E2F1: variants seen among roughly 807,000 people sequenced by gnomAD.
E2F1 encodes the protein transcription factor E2F1.
Under a neutral mutation model 36.9 loss-of-function variants are expected in E2F1, and 7 were observed. The observed-to-expected ratio is 0.19, with a 90% confidence interval of 0.11 to 0.36. The LOEUF is 0.36. E2F1 is among the 10% of genes least tolerant of loss of function. The pLI, the probability that E2F1 is intolerant of heterozygous loss-of-function variation, is 1.00. For synonymous variants in E2F1, 261 were observed against 263.1 expected (o/e 0.99, Z 0.08); for missense variants, 406 against 573.6 (o/e 0.71, Z 2.99).
chr20:33,685,867 TC>T (rs2018062836), intron 1 of E2F1, 136 bp downstream of exon 1: 4 of 866,716 alleles, frequency 4.6e-6, no homozygotes, highest in Non-Finnish European at 4.2e-6. Flanking sequence ...CAACCCCGGC[TC>T]TGCACCGCCC....
rs1475539776 is a variant in E2F1, at chr20:33,679,433, A to G, written c.572+322T>C. Among the ~76,000 whole-genome samples the G allele has an allele frequency of 6.6e-6, 1 of 152,118 alleles. No homozygotes were observed. Among genetic ancestry groups the G allele is most frequent in the Non-Finnish European group, 1.5e-5 (1 of 68,002 alleles). ...GTGGCAGGCGCCTGTATCCCCAGCT[A>G]TTCAGGAGGCTGAGGCAGGAGAAGC... On this transcript the variant is annotated intron_variant, in intron 3 of 6. Coordinates refer to ENST00000343380, the MANE Select transcript of E2F1 (RefSeq NM_005225.3). This position sits in a 1 kb window ranked among gnomAD's most constrained non-coding sequence, Gnocchi z 4.6.
Position 33,679,410 on chromosome 20 carries a change from G to A in E2F1, c.572+345C>T, listed in dbSNP as rs946074365. Among the ~76,000 whole-genome samples, 1 of 152,242 alleles carries A rather than the reference G, an allele frequency of 6.6e-6. No homozygotes were observed. The highest frequency in any genetic ancestry group is 2.4e-5 in the African/African-American group (1 of 41,466). On this transcript the variant is annotated intron_variant, in intron 3 of 6. Coordinates refer to ENST00000343380, the MANE Select transcript of E2F1 (RefSeq NM_005225.3). This position sits in a 1 kb window ranked among gnomAD's most constrained non-coding sequence, Gnocchi z 4.6. ...AATACAAAAAGTAGCTGGGCATGGT[G>A]GCAGGCGCCTGTATCCCCAGCTATT...
Position 33,680,364 on chromosome 20 carries a change from C to G in E2F1, c.314G>C (p.Ser105Thr). The change falls in exon 2 of 7, where the codon AGT becomes ACT. Residue 105 changes from serine to threonine, a missense_variant. Ser to Thr is a moderately conservative substitution (Grantham distance 58). Transcript: ENST00000343380. Reference sequence around the variant, plus strand: ...GCGGCCTCTGCCCCGAGCTGGCCCACTGCTCTCGGCCAGGTACTGATGGTC... The same window carrying G: ...GCGGCCTCTGCCCCGAGCTGGCCCAGTGCTCTCGGCCAGGTACTGATGGTC... ...ETDHQYLAES[S>T]GPARGRGRHP... 6.2e-7 allele frequency: 1 copy of G among 1,614,254 alleles called. No homozygotes were observed.
chr20:33,685,840 G>A (rs2018062558), intron 1 of E2F1, among the ~76,000 whole-genome samples, 164 bp downstream of exon 1: 1 of 152,130 alleles, frequency 6.6e-6, no homozygotes, highest in African/African-American at 2.4e-5. Context: ...CGCACCCCAG[G>A]GCGGGGCCCG....
chr20:33,681,041 A>T (rs1300523783), intron 1 of E2F1, among the ~76,000 whole-genome samples: 1 of 151,092 alleles, frequency 6.6e-6, no homozygotes, highest in African/African-American at 2.4e-5. Flanking sequence ...TTAAGGCACT[A>T]TTTTTTTTTC....
chr20:33,676,613 G>A lies in E2F1; in HGVS notation c.*119C>T, dbSNP rs964030268. ...AGAGCTAGAAGCTTCTGGAGACAGA[G>A]GAGAGGGGTATAAATTAAATGTTTC... On this transcript the variant is annotated 3_prime_UTR_variant, in exon 7 of 7. Transcript: ENST00000343380. The A allele has an allele frequency of 1.4e-6, 2 of 1,397,522 alleles. No homozygotes were observed. Among genetic ancestry groups the A allele is most frequent in the African/African-American group, 2.9e-5 (2 of 68,982 alleles). 86.6% of individuals were successfully genotyped at this position (1,397,522 alleles called of 1,614,324 possible).
intron 2 of E2F1, 57 bp downstream of exon 2, chr20:33,680,269 C>T: frequency 1.9e-6 from 3 of 1,559,012 alleles, no homozygotes. Flanking sequence ...TGTCTGTTCA[C>T]ATCCCTAACC....
intron 1 of E2F1, among the ~76,000 whole-genome samples, chr20:33,681,534 T>C (rs1601187547): frequency 1.3e-5 from 2 of 152,098 alleles, no homozygotes; most frequent in African/African-American, 4.8e-5. Context: ...CAGGAAGTGG[T>C]AGAGTCAGGA....
At position 33,686,061 on chromosome 20, in the gene E2F1, T is replaced by C; in HGVS notation, c.204A>G (p.Thr68=). Residue 68 remains threonine, a synonymous_variant, in exon 1 of 7, where the codon ACA becomes ACG. Coordinates refer to ENST00000343380, the MANE Select transcript of E2F1 (RefSeq NM_005225.3). ...PCDPDLLLFA[T]PQAPRPTPSA... ...TGGGTGTGGGCCGGGGCGCCTGCGG[T>C]GTGGCGAAGAGCAGCAGGTCAGGGT... 8.9e-7 allele frequency: 1 copy of C among 1,121,750 alleles called. No homozygotes were observed. The allele number at this position is 1,121,750 out of a possible 1,614,324, so 69.5% of individuals were successfully genotyped here.
At position 33,680,387 on chromosome 20, in the gene E2F1, G is replaced by A; in HGVS notation, c.291C>T (p.Asp97=). The A allele has an allele frequency of 1.2e-6, 2 of 1,614,114 alleles. No individual in the cohort carries two copies. The highest frequency in any genetic ancestry group is 1.1e-5 in the South Asian group (1 of 91,050). Reference sequence around the variant, plus strand: ...CACTGCTCTCGGCCAGGTACTGATGGTCAGTTTCCAGGTCCAGCCTCCGCT... The same window carrying A: ...CACTGCTCTCGGCCAGGTACTGATGATCAGTTTCCAGGTCCAGCCTCCGCT... ...PVKRRLDLET[D]HQYLAESSGP... The change falls in exon 2 of 7, where the codon GAC becomes GAT. Residue 97 remains aspartate, a synonymous_variant. Coordinates refer to ENST00000343380, the MANE Select transcript of E2F1 (RefSeq NM_005225.3).
intron 1 of E2F1, among the ~76,000 whole-genome samples, chr20:33,681,605 C>T (rs1601187572): frequency 1.3e-5 from 2 of 152,140 alleles, no homozygotes; most frequent in Non-Finnish European, 2.9e-5. Flanking sequence ...TTAGTTCAGA[C>T]ACTCCAGGAT....
intron 4 of E2F1, among the ~76,000 whole-genome samples, chr20:33,677,949 C>T (rs1026327280): frequency 5.3e-5 from 8 of 152,142 alleles, no homozygotes; most frequent in African/African-American, 9.7e-5. Flanking sequence ...CATGAACCAC[C>T]GCACCTAGCC....
At chr20:33,677,034 G>A (rs182175727) in intron 6 of E2F1, 55 bp from the exon 7 acceptor site, 3 of 1,560,924 alleles carry the variant, frequency 1.9e-6, no homozygotes, top group African/African-American at 2.7e-5. Flanking sequence ...GAGGAAGGCA[G>A]GGGCTGTCGT....
Position 33,679,237 on chromosome 20 carries a change from C to A in E2F1, c.572+518G>T, listed in dbSNP as rs1425464785. 6.6e-6 allele frequency among the ~76,000 whole-genome samples: 1 copy of A among 152,148 alleles called. No homozygotes were observed. The highest frequency in any genetic ancestry group is 2.4e-5 in the African/African-American group (1 of 41,440). ...TTATCTTGATCTGAATGGTGGCAACCCAGATGAATAAATATATAAAGCTGC... is the reference window on the plus strand; with the variant it reads ...TTATCTTGATCTGAATGGTGGCAACACAGATGAATAAATATATAAAGCTGC... On this transcript the variant is annotated intron_variant, in intron 3 of 6. Coordinates refer to ENST00000343380, the MANE Select transcript of E2F1 (RefSeq NM_005225.3). This position sits in a 1 kb window ranked among gnomAD's most constrained non-coding sequence, Gnocchi z 4.6.
At chr20:33,681,225 G>A (rs1342487033) in intron 1 of E2F1, among the ~76,000 whole-genome samples, 1 of 152,062 alleles carries the variant, frequency 6.6e-6, no homozygotes, top group Non-Finnish European at 1.5e-5. Context: ...TTCTCGTAGA[G>A]ATGGGGTCTC....
intron 1 of E2F1, among the ~76,000 whole-genome samples, chr20:33,682,190 A>G (rs1340687047): frequency 6.6e-6 from 1 of 152,168 alleles, no homozygotes; most frequent in Non-Finnish European, 1.5e-5. Flanking sequence ...AGTGTCTGCC[A>G]TGGAGCCTGG....
rs764181474 is a variant in E2F1 at position 33,677,429 on chromosome 20, C to T, written c.837G>A (p.Ser279=). 6.2e-6 allele frequency: 10 copies of T among 1,613,890 alleles called. No individual in the cohort carries two copies. Among genetic ancestry groups the T allele is most frequent in the Admixed American group, 3.3e-5 (2 of 60,004 alleles). ...PETQLQAVDS[S]ENFQISLKSK... is the part of the protein sequence containing the mutation. ...GCCCGGAGTTCCCAGATCTCACCTCCGAAGAGTCCACGGCTTGGAGCTGGG... is the reference window on the plus strand; with the variant it reads ...GCCCGGAGTTCCCAGATCTCACCTCTGAAGAGTCCACGGCTTGGAGCTGGG... The change falls in exon 5 of 7, where the codon TCG becomes TCA. Residue 279 remains serine (S), a synonymous_variant. Transcript: ENST00000343380.
Position 33,679,732 on chromosome 20 carries a change from C to A in E2F1, c.572+23G>T. 1 of 1,609,844 alleles carries A rather than the reference C, an allele frequency of 6.2e-7. No homozygotes were observed. Among genetic ancestry groups the A allele is most frequent in the South Asian group, 1.1e-5 (1 of 90,934 alleles). ...GGCTGGCATGGGCAGGTGTGCCTGC[C>A]CTCCTGTGTGGCCGGTACCTACAGC... On this transcript the variant is annotated intron_variant, in intron 3 of 6. Coordinates refer to ENST00000343380, the MANE Select transcript of E2F1 (RefSeq NM_005225.3). This position sits in a 1 kb window ranked among gnomAD's most constrained non-coding sequence, Gnocchi z 4.6.
intron 1 of E2F1, among the ~76,000 whole-genome samples, chr20:33,683,438 G>A (rs1476378569): frequency 2.2e-5 from 3 of 133,572 alleles, no homozygotes; most frequent in East Asian, 2.1e-4. Context: ...GTGACAGAGC[G>A]AGACTTCATC....
Sources: allele counts gnomAD v4.1 joint callset (sites outside exome capture counted in the v4.1 genomes callset), GRCh38; gene constraint gnomAD v4.1.1; non-coding constraint Gnocchi (gnomAD v3.1); transcripts MANE v1.5; gene names NCBI Gene and HGNC (gene_info 2026-07-23, HGNC 2026-07-21).